CNTN4: variants seen among roughly 807,000 people sequenced by gnomAD.
CNTN4 encodes contactin 4.
In CNTN4, 77 loss-of-function variants were observed where a neutral mutation model predicts 122.5. The observed-to-expected ratio is 0.63, with a 90% CI of 0.52 to 0.76. CNTN4 has a LOEUF of 0.76. Ranked by LOEUF, CNTN4 falls within the 30% of genes least tolerant of loss-of-function variation. The probability of loss-of-function intolerance (pLI) is 0.00; values close to 1 mark genes in which losing one functional copy is unlikely to be tolerated. For synonymous variants in CNTN4, 512 were observed against 447.0 expected (o/e 1.15, Z -1.83); for missense variants, 1,256 against 1,259.1 (o/e 1.00, Z 0.04).
intron 13 of CNTN4, among the ~76,000 whole-genome samples, chr3:2,943,630 A>ATAT (rs1553702084): frequency 0.093 from 11,875 of 127,842 alleles, 737 homozygotes; most frequent in Non-Finnish European, 0.12. Flanking sequence ...ATATATATAT[A>ATAT]TTTTTTTTTT....
intron 8 of CNTN4, among the ~76,000 whole-genome samples, chr3:2,868,144 T>C (rs2093744916): frequency 6.6e-6 from 1 of 152,164 alleles, no homozygotes; most frequent in South Asian, 2.1e-4. Context: ...CCAAAAACAT[T>C]AATAGGAAAC....
intron 3 of CNTN4, among the ~76,000 whole-genome samples, chr3:2,533,469 T>G (rs1432001738): frequency 1.4e-5 from 2 of 146,752 alleles, no homozygotes; most frequent in Non-Finnish European, 3.0e-5. Context: ...GAACTCATCC[T>G]TTTTTATGGC....
At chr3:2,369,528 A>T (rs778306561) in intron 3 of CNTN4, among the ~76,000 whole-genome samples, 2 of 152,174 alleles carry the variant, frequency 1.3e-5, no homozygotes, top group Non-Finnish European at 2.9e-5. Context: ...GCAATTATGA[A>T]AGTTGCCAGA....
At chr3:2,671,230 A>T (rs58266362) in intron 4 of CNTN4, among the ~76,000 whole-genome samples, 35,354 of 151,968 alleles carry the variant, frequency 0.23, 4,670 homozygotes, top group African/African-American at 0.35. Flanking sequence ...GGTACACCAA[A>T]CAGACGTAGA....
chr3:2,483,530 T>A (rs1469000811), intron 3 of CNTN4, among the ~76,000 whole-genome samples: 1 of 152,192 alleles, frequency 6.6e-6, no homozygotes, highest in Non-Finnish European at 1.5e-5. Context: ...ATGGTTTTGC[T>A]GTGTTTCCAC....
chr3:2,420,241 T>A (rs962002018), intron 3 of CNTN4, among the ~76,000 whole-genome samples: 3 of 152,178 alleles, frequency 2.0e-5, no homozygotes, highest in African/African-American at 7.2e-5. Flanking sequence ...ACTGCTTATA[T>A]GCACAAGTGA....
chr3:2,363,864 A>G (rs1300714581), intron 3 of CNTN4, among the ~76,000 whole-genome samples: 2 of 152,226 alleles, frequency 1.3e-5, no homozygotes, highest in Non-Finnish European at 2.9e-5. Context: ...GACTGAAACA[A>G]TAAATAGTAA....
chr3:2,639,368 C>T (rs566568082), intron 4 of CNTN4, among the ~76,000 whole-genome samples: 68 of 152,254 alleles, frequency 4.5e-4, no homozygotes, highest in Non-Finnish European at 7.2e-4. Context: ...CTACTACTCC[C>T]TCAGATCAGT....
In CNTN4 at chr3:2,841,050, G is replaced by A. The variant is rs1577017574; in HGVS notation, c.454+21469G>A. On this transcript the variant is annotated intron_variant, in intron 7 of 24. Transcript: ENST00000418658. This position sits in a 1 kb window ranked among gnomAD's most constrained non-coding sequence, Gnocchi z 4.8. ...GCATTATCATATGAAATCAAAGAGT[G>A]AGGAAAAAAGTCAAGGATCTTCAAA... Among the ~76,000 whole-genome samples the A allele has an allele frequency of 1.3e-5, 2 of 152,238 alleles. No homozygotes were observed. Among genetic ancestry groups the A allele is most frequent in the Admixed American group, 1.3e-4 (2 of 15,296 alleles).
At chr3:2,813,459 G>C (rs981755101) in intron 6 of CNTN4, among the ~76,000 whole-genome samples, 1 of 151,968 alleles carries the variant, frequency 6.6e-6, no homozygotes, top group African/African-American at 2.4e-5. Context: ...TACATGCATG[G>C]TTACTGTATC....
intron 6 of CNTN4, among the ~76,000 whole-genome samples, chr3:2,760,781 T>G (rs558644170): frequency 6.6e-6 from 1 of 152,272 alleles, no homozygotes; most frequent in East Asian, 1.9e-4. Context: ...TAACCACACA[T>G]TTGGAGCCCT....
chr3:2,356,439 G>A (rs2044875813), intron 3 of CNTN4, among the ~76,000 whole-genome samples: 1 of 152,104 alleles, frequency 6.6e-6, no homozygotes, highest in Non-Finnish European at 1.5e-5. Context: ...CTGATGCCAT[G>A]GCATCTGTAA....
chr3:3,012,888 A>G (rs1697377121), intron 14 of CNTN4, among the ~76,000 whole-genome samples: 1 of 151,936 alleles, frequency 6.6e-6, no homozygotes, highest in East Asian at 2.0e-4. Context: ...GAATTGCTTG[A>G]AACTGGGAGG....
At chr3:2,799,606 G>A (rs2092296244) in intron 6 of CNTN4, among the ~76,000 whole-genome samples, 1 of 152,124 alleles carries the variant, frequency 6.6e-6, no homozygotes. Flanking sequence ...GGGACTACAG[G>A]CGCCTGCCAC....
At chr3:2,708,057 A>T (rs2086848575) in intron 4 of CNTN4, among the ~76,000 whole-genome samples, 1 of 152,110 alleles carries the variant, frequency 6.6e-6, no homozygotes, top group Non-Finnish European at 1.5e-5. Flanking sequence ...GTTCTTTTGG[A>T]TGCTGAGAAA....
In CNTN4 at chr3:2,385,858, A is replaced by G. The variant is rs2046235273; in HGVS notation, c.-89+46625A>G. Among the ~76,000 whole-genome samples the G allele has an allele frequency of 6.6e-6, 1 of 152,060 alleles. No individual in the cohort carries two copies. The highest frequency in any genetic ancestry group is 1.5e-5 in the Non-Finnish European group (1 of 68,020). On this transcript the variant is annotated intron_variant, in intron 3 of 24. Transcript: ENST00000418658. The surrounding 1 kb of genome is among the most constrained non-coding windows in gnomAD (Gnocchi z 4.0). ...ACGTACCAGGGGTCAAGACTTCAAC[A>G]CATCTTTTTAGCGACACAATTCAAC...
intron 3 of CNTN4, among the ~76,000 whole-genome samples, chr3:2,455,654 A>G (rs543620346): frequency 2.6e-4 from 40 of 152,206 alleles, no homozygotes; most frequent in Non-Finnish European, 3.5e-4. Context: ...AAAAATATGC[A>G]AAGTTAAATT....
intron 3 of CNTN4, among the ~76,000 whole-genome samples, chr3:2,358,214 T>C (rs1361263989): frequency 6.6e-6 from 1 of 152,198 alleles, no homozygotes; most frequent in Non-Finnish European, 1.5e-5. Flanking sequence ...CACTTAACAG[T>C]TTGAGGAATG....
intron 6 of CNTN4, among the ~76,000 whole-genome samples, chr3:2,772,218 T>C (rs1186631945): frequency 6.6e-6 from 1 of 152,090 alleles, no homozygotes. Context: ...CATTTTGGAA[T>C]GGGCATTTAA....
Sources: allele counts gnomAD v4.1 joint callset (sites outside exome capture counted in the v4.1 genomes callset), GRCh38; gene constraint gnomAD v4.1.1; non-coding constraint Gnocchi (gnomAD v3.1); transcripts MANE v1.5; gene names NCBI Gene and HGNC (gene_info 2026-07-23, HGNC 2026-07-21).